The following MGST1 variants were observed in gnomAD, a reference collection of about 807,000 sequenced individuals.
MGST1 encodes the protein glutathione S-transferase 12.
MGST1 carries 5 observed loss-of-function variants against 8.9 expected under a neutral mutation model. The observed-to-expected ratio is 0.56, with a 90% CI of 0.29 to 1.19. The LOEUF (loss-of-function observed/expected upper bound fraction) is 1.19. Among genes scored for constraint, MGST1 ranks in the 50% most tolerant of loss-of-function variants. The pLI, the probability that MGST1 is intolerant of heterozygous loss-of-function variation, is 0.08. For missense variants in MGST1, 182 were observed against 187.4 expected (o/e 0.97, Z 0.17); for synonymous variants, 54 against 67.8 (o/e 0.80, Z 1.00).
At chr12:16,467,720 C>T (rs558002825) in intron 4 of MGST1, among the ~76,000 whole-genome samples, 2 of 152,230 alleles carry the variant, frequency 1.3e-5, no homozygotes, top group South Asian at 4.2e-4. Context: ...AGCACTTTTC[C>T]GGAGTATCCA....
rs1168313432 is a variant in MGST1 at position 16,587,267 on chromosome 12, G to T, written n.483-2261G>T. Among the ~76,000 whole-genome samples the T allele has an allele frequency of 6.6e-6, 1 of 152,102 alleles. No individual in the cohort carries two copies. Among genetic ancestry groups the T allele is most frequent in the East Asian group, 1.9e-4 (1 of 5,188 alleles). ...ACTATCCATTTTAAGAAAATCACTG[G>T]GTGTGCCTAGGATCCAATGCTAACA... On this transcript the variant is annotated intron_variant and non_coding_transcript_variant, in intron 4 of 4. Transcript: ENST00000538857. The surrounding 1 kb of genome is among the most constrained non-coding windows in gnomAD (Gnocchi z 4.3).
At position 16,410,109 on chromosome 12, in the gene MGST1, G is replaced by A. The variant is rs1940730512; in HGVS notation, n.778+26505G>A. On this transcript the variant is annotated intron_variant and non_coding_transcript_variant, in intron 1 of 1. Transcript: ENST00000359720. The surrounding 1 kb of genome is among the most constrained non-coding windows in gnomAD (Gnocchi z 4.4). ...TGCTGTTCATAATCTGCAAGGGTCT[G>A]AGTAATGAAGTTTAAGTTTGTCAGG... 6.6e-6 allele frequency among the ~76,000 whole-genome samples: 1 copy of A among 152,140 alleles called. No homozygotes were observed. The highest frequency in any genetic ancestry group is 2.1e-4 in the South Asian group (1 of 4,828).
At chr12:16,444,576 A>G (rs1238368302) in intron 4 of MGST1, among the ~76,000 whole-genome samples, 2 of 151,892 alleles carry the variant, frequency 1.3e-5, no homozygotes, top group African/African-American at 4.8e-5. Flanking sequence ...TTATCCTCAC[A>G]TACAAAGTCA....
chr12:16,565,825 C>A, intron 4 of MGST1, among the ~76,000 whole-genome samples: 1 of 150,752 alleles, frequency 6.6e-6, no homozygotes, highest in African/African-American at 2.4e-5. Context: ...CCATATGATC[C>A]AGCAATCCCA....
chr12:16,451,544 A>G (rs778296340), intron 4 of MGST1, among the ~76,000 whole-genome samples: 1 of 151,942 alleles, frequency 6.6e-6, no homozygotes, highest in Non-Finnish European at 1.5e-5. Flanking sequence ...AAGATTTTAT[A>G]GAAAAACTGC....
At chr12:16,470,562 A>G (rs1941284372) in intron 4 of MGST1, among the ~76,000 whole-genome samples, 2 of 152,192 alleles carry the variant, frequency 1.3e-5, no homozygotes, top group Non-Finnish European at 1.5e-5. Context: ...GTTGATCCCC[A>G]TCATAACAGG....
intron 4 of MGST1, among the ~76,000 whole-genome samples, chr12:16,521,423 G>T (rs978663856): frequency 6.6e-6 from 1 of 152,006 alleles, no homozygotes; most frequent in Non-Finnish European, 1.5e-5. Flanking sequence ...TCATGTTATG[G>T]CTTAAAAAGT....
At position 16,431,441 on chromosome 12, in the gene MGST1, C is replaced by T. The variant is rs12422775; in HGVS notation, n.779-5947C>T. Among the ~76,000 whole-genome samples the T allele has an allele frequency of 5.2e-3, 786 of 152,020 alleles. 19 individuals carry two copies. The East Asian group carries it at 0.064, about 12-fold the overall frequency. ...CATTTCTAGATTTTGACTTAAAGTG[C>T]GAGATGTGCAACTCTTTTTTTTTTT... On this transcript the variant is annotated intron_variant and non_coding_transcript_variant, in intron 1 of 1. Transcript: ENST00000359720.
intron 4 of MGST1, among the ~76,000 whole-genome samples, chr12:16,470,401 T>C (rs751034971): frequency 1.3e-5 from 2 of 152,236 alleles, no homozygotes; most frequent in East Asian, 1.9e-4. Context: ...TAAATTCAGA[T>C]GTCATAATAA....
chr12:16,522,377 G>C (rs1941653754), intron 4 of MGST1, among the ~76,000 whole-genome samples: 1 of 151,886 alleles, frequency 6.6e-6, no homozygotes, highest in African/African-American at 2.4e-5. Context: ...TTGTACTTTG[G>C]CATAACTCTT....
chr12:16,468,746 G>A (rs756355672), intron 4 of MGST1, among the ~76,000 whole-genome samples: 3 of 152,154 alleles, frequency 2.0e-5, no homozygotes, highest in Non-Finnish European at 2.9e-5. Context: ...ACTGCTAATT[G>A]TCCCCTAGTA....
intron 1 of MGST1, chr12:16,399,586 T>G: frequency 6.2e-7 from 1 of 1,604,072 alleles, no homozygotes; most frequent in Non-Finnish European, 8.5e-7. Context: ...TCTGAAGGAT[T>G]AAAAGTCTCA....
chr12:16,519,646 A>T (rs900347757), intron 4 of MGST1, among the ~76,000 whole-genome samples: 4 of 152,018 alleles, frequency 2.6e-5, no homozygotes, highest in South Asian at 2.1e-4. Flanking sequence ...AATAGACTAC[A>T]TTTTTTTACA....
At chr12:16,531,726 T>C (rs1451707055) in intron 4 of MGST1, among the ~76,000 whole-genome samples, 1 of 152,114 alleles carries the variant, frequency 6.6e-6, no homozygotes, top group Non-Finnish European at 1.5e-5. Flanking sequence ...GTGCTGAAGC[T>C]GAGTGTGACT....
At chr12:16,386,558 G>C (rs1430053817) in intron 1 of MGST1, among the ~76,000 whole-genome samples, 2 of 152,142 alleles carry the variant, frequency 1.3e-5, no homozygotes, top group African/African-American at 4.8e-5. Context: ...AAAACAATCT[G>C]TCATGAAGAA....
chr12:16,399,131 T>G (rs543091436), intron 1 of MGST1: 1 of 778,612 alleles, frequency 1.3e-6, no homozygotes, highest in African/African-American at 1.7e-5. Flanking sequence ...AGTAGATTGG[T>G]CCACATAAAT....
At chr12:16,431,332 C>T (rs555646755) in intron 1 of MGST1, among the ~76,000 whole-genome samples, 25 of 152,242 alleles carry the variant, frequency 1.6e-4, no homozygotes, top group African/African-American at 5.5e-4. Flanking sequence ...AAGAACTTTT[C>T]GTTTGCATTC....
At chr12:16,407,868 C>T (rs1426054012) in intron 1 of MGST1, among the ~76,000 whole-genome samples, 3 of 151,636 alleles carry the variant, frequency 2.0e-5, no homozygotes, top group African/African-American at 7.3e-5. Flanking sequence ...CCTGTCTCTA[C>T]TAAAAATACA....
intron 4 of MGST1, among the ~76,000 whole-genome samples, chr12:16,474,327 A>T (rs896272278): frequency 1.3e-5 from 2 of 152,230 alleles, no homozygotes; most frequent in African/African-American, 2.4e-5. Context: ...GAAAAATTTT[A>T]ATTTTACATT....
Sources: gnomAD v4.1 joint callset for allele counts (sites outside exome capture counted in the v4.1 genomes callset) on GRCh38, gnomAD v4.1.1 for gene constraint, Gnocchi (gnomAD v3.1) non-coding constraint, MANE v1.5 for transcripts, NCBI Gene and HGNC (gene_info 2026-07-23, HGNC 2026-07-21) for gene names.